The following ZFAT variants were observed in gnomAD, a reference collection of about 807,000 sequenced individuals.
ZFAT encodes the protein zinc finger and AT-hook domain containing.
In ZFAT, 64 loss-of-function variants were observed where a neutral mutation model predicts 117.7. The ratio of observed to expected loss-of-function variants is 0.54; its 90% CI spans 0.44 to 0.67. The LOEUF is 0.67. Ranked by LOEUF, ZFAT falls within the 30% of genes least tolerant of loss-of-function variation. The probability of loss-of-function intolerance (pLI) is 0.00; values close to 1 mark genes in which losing one functional copy is unlikely to be tolerated. For missense variants in ZFAT, 1,433 were observed against 1,584.5 expected (o/e 0.90, Z 1.62); for synonymous variants, 679 against 615.0 (o/e 1.10, Z -1.54).
intron 1 of ZFAT, among the ~76,000 whole-genome samples, chr8:134,708,234 G>A (rs914413189): frequency 6.6e-6 from 1 of 152,196 alleles, no homozygotes; most frequent in African/African-American, 2.4e-5. Context: ...AATTAGACAA[G>A]AGGAATCGTT....
the ZFAT span, chr8:134,791,885 A>C: frequency 2.6e-5 from 4 of 152,214 alleles, no homozygotes; most frequent in African/African-American, 9.7e-5. Flanking sequence ...AAAGGCAGCA[A>C]GACTCAGGGG....
the ZFAT span, among the ~76,000 whole-genome samples, chr8:134,827,766 T>TAA: frequency 3.2e-3 from 368 of 114,706 alleles, 2 homozygotes; most frequent in African/African-American, 0.011. Context: ...AGACTCTGTC[T>TAA]AAAAAAAAAA....
intron 3 of ZFAT, among the ~76,000 whole-genome samples, chr8:134,612,362 C>T (rs1487690084): frequency 2.6e-5 from 4 of 152,170 alleles, no homozygotes; most frequent in African/African-American, 9.7e-5. Context: ...AGCCAGAGTC[C>T]ATTTGGTCCG....
chr8:134,763,048 A>T, the ZFAT span, among the ~76,000 whole-genome samples: 4 of 152,210 alleles, frequency 2.6e-5, no homozygotes, highest in Non-Finnish European at 5.9e-5. Context: ...TGGTCCCTAC[A>T]ATCTCATCAG....
At chr8:134,565,658 G>C (rs1167856685) in intron 10 of ZFAT, 2 of 622,992 alleles carry the variant, frequency 3.2e-6, no homozygotes, top group Non-Finnish European at 5.7e-6. Context: ...CACCTGGGGA[G>C]GCCCCATGAG....
intron 2 of ZFAT, among the ~76,000 whole-genome samples, chr8:134,638,001 G>A (rs534989725): frequency 6.6e-6 from 1 of 152,206 alleles, no homozygotes; most frequent in African/African-American, 2.4e-5. Context: ...TTAAGTTGCG[G>A]CTGTCAACCC....
At chr8:134,831,847 A>G in the ZFAT span, among the ~76,000 whole-genome samples, 1 of 151,378 alleles carries the variant, frequency 6.6e-6, no homozygotes, top group Non-Finnish European at 1.5e-5. Flanking sequence ...ACCCCCCGAC[A>G]CAAGTGACCC....
chr8:134,587,533 GC>G (rs1826156371), intron 9 of ZFAT, among the ~76,000 whole-genome samples: 1 of 152,226 alleles, frequency 6.6e-6, no homozygotes, highest in African/African-American at 2.4e-5. Context: ...TAACTAACAG[GC>G]AGGGACCTGA....
chr8:134,780,771 A>C, the ZFAT span, among the ~76,000 whole-genome samples: 11 of 152,226 alleles, frequency 7.2e-5, no homozygotes, highest in African/African-American at 2.7e-4. Flanking sequence ...AATTGAAAAA[A>C]ATGCAGGACC....
intron 7 of ZFAT, among the ~76,000 whole-genome samples, chr8:134,593,887 G>C (rs372042500): frequency 6.6e-6 from 1 of 152,326 alleles, no homozygotes; most frequent in East Asian, 1.9e-4. Flanking sequence ...ACTCTCAGGC[G>C]CTCGAATGCT....
chr8:134,671,473 C>A (rs902400730), intron 1 of ZFAT, among the ~76,000 whole-genome samples: 2 of 152,156 alleles, frequency 1.3e-5, no homozygotes, highest in Non-Finnish European at 2.9e-5. Context: ...AAATGTAATC[C>A]AGCATATAAA....
chr8:134,712,888 A>G lies in ZFAT; in HGVS notation c.-25T>C, dbSNP rs1814078319. On this transcript the variant is annotated 5_prime_UTR_variant, in exon 1 of 16. Transcript: ENST00000377838. ...TGGCAACGCCCCACCGCGGAGGAAA[A>G]AAAAGCCTCGGGCTCTTCCGGGCCC... is the stretch of plus-strand genomic sequence containing the variant. 3 of 1,508,966 alleles carry G rather than the reference A, an allele frequency of 2.0e-6. No individual in the cohort carries two copies. The highest frequency in any genetic ancestry group is 2.7e-6 in the Non-Finnish European group (3 of 1,128,816). The allele number at this position is 1,508,966 out of a possible 1,614,324, so 93.5% of individuals were successfully genotyped here. A position where few individuals can be genotyped will look rare whatever the true frequency, so the allele number is the denominator to read the frequency against.
At chr8:134,621,032 TA>T (rs956737073) in intron 3 of ZFAT, among the ~76,000 whole-genome samples, 3 of 152,086 alleles carry the variant, frequency 2.0e-5, no homozygotes, top group Non-Finnish European at 2.9e-5. Context: ...GTTTTCATTG[TA>T]TTGAATGTTT....
At chr8:134,725,785 C>A in the ZFAT span, among the ~76,000 whole-genome samples, 1 of 151,610 alleles carries the variant, frequency 6.6e-6, no homozygotes, top group African/African-American at 2.4e-5. Flanking sequence ...TTAATTAAGT[C>A]ATTGGTCCTA....
chr8:134,629,043 T>G (rs1319498670), intron 3 of ZFAT, among the ~76,000 whole-genome samples: 2 of 151,428 alleles, frequency 1.3e-5, no homozygotes, highest in Non-Finnish European at 2.9e-5. Context: ...TGTCACAGAG[T>G]CCACAGAAAA....
At chr8:134,783,518 C>A in the ZFAT span, among the ~76,000 whole-genome samples, 1 of 152,156 alleles carries the variant, frequency 6.6e-6, no homozygotes, top group African/African-American at 2.4e-5. Flanking sequence ...AAACCGGTTC[C>A]TGGTGCCAAA....
At chr8:134,667,512 A>C (rs1832293035) in intron 1 of ZFAT, among the ~76,000 whole-genome samples, 1 of 70,158 alleles carries the variant, frequency 1.4e-5, no homozygotes, top group Non-Finnish European at 3.7e-5. Context: ...AAAAAAAAAA[A>C]CATAGATGAC....
chr8:134,533,114 C>T (rs1586657209), intron 11 of ZFAT, 142 bp from the exon 12 acceptor site: 1 of 1,311,100 alleles, frequency 7.6e-7, no homozygotes, highest in Non-Finnish European at 1.0e-6. Context: ...TAGGGAAAAC[C>T]ACTAGGGCAG....
chr8:134,550,382 T>C (rs1276602789), intron 11 of ZFAT, among the ~76,000 whole-genome samples: 1 of 150,024 alleles, frequency 6.7e-6, no homozygotes, highest in Non-Finnish European at 1.5e-5. Context: ...TCATATCATT[T>C]ACGAAGCACA....
Sources: gnomAD v4.1 joint callset for allele counts (sites outside exome capture counted in the v4.1 genomes callset) on GRCh38, gnomAD v4.1.1 for gene constraint, MANE v1.5 for transcripts, NCBI Gene and HGNC (gene_info 2026-07-23, HGNC 2026-07-21) for gene names.